Variants in AKAP19 observed in about 807,000 individuals in gnomAD.
AKAP19 encodes the protein small A-kinase anchoring protein.
At chr2:190,090,450 A>G in the AKAP19 span, among the ~76,000 whole-genome samples, 1 of 152,182 alleles carries the variant, frequency 6.6e-6, no homozygotes, top group Non-Finnish European at 1.5e-5. Flanking sequence ...AATAGCCAGC[A>G]CCAATTCGCC....
the AKAP19 span, among the ~76,000 whole-genome samples, chr2:190,171,274 A>C: frequency 6.6e-6 from 1 of 152,146 alleles, no homozygotes; most frequent in Non-Finnish European, 1.5e-5. Context: ...ACTATTTAAA[A>C]TATTTTACTG....
chr2:190,067,737 A>T, the AKAP19 span, among the ~76,000 whole-genome samples: 4 of 152,194 alleles, frequency 2.6e-5, no homozygotes, highest in South Asian at 4.1e-4. Context: ...AAATTGCTGC[A>T]ATCCATTGTC....
chr2:190,147,695 C>A, the AKAP19 span, among the ~76,000 whole-genome samples: 18 of 150,982 alleles, frequency 1.2e-4, no homozygotes, highest in African/African-American at 4.1e-4. Context: ...TTGTAGTTCT[C>A]CTTGTAGAGG....
At chr2:190,146,598 A>C in the AKAP19 span, among the ~76,000 whole-genome samples, 1 of 152,180 alleles carries the variant, frequency 6.6e-6, no homozygotes, top group African/African-American at 2.4e-5. Flanking sequence ...TAGCAGCTGT[A>C]CTAGTTTACA....
chr2:190,044,248 G>A, the AKAP19 span, among the ~76,000 whole-genome samples: 9 of 152,248 alleles, frequency 5.9e-5, no homozygotes, highest in South Asian at 1.2e-3. Flanking sequence ...TCTTAGTAGT[G>A]TTGTGGCTGA....
At chr2:190,028,230 A>C in the AKAP19 span, among the ~76,000 whole-genome samples, 1 of 152,088 alleles carries the variant, frequency 6.6e-6, no homozygotes, top group Non-Finnish European at 1.5e-5. Flanking sequence ...AGATGGTTTT[A>C]CTTTTTCCTT....
At chr2:189,956,351 A>G in the AKAP19 span, among the ~76,000 whole-genome samples, 2 of 149,476 alleles carry the variant, frequency 1.3e-5, no homozygotes, top group African/African-American at 4.9e-5. Context: ...TTGTATTTTT[A>G]GTAGAGACGG....
At chr2:190,180,939 C>T in the AKAP19 span, 3 of 985,328 alleles carry the variant, frequency 3.0e-6, no homozygotes, top group Non-Finnish European at 3.6e-6. The surrounding 1 kb of genome is among the most constrained non-coding windows in gnomAD (Gnocchi z 6.8). Context: ...TGCACTTTGC[C>T]CCCGCCCGGC....
the AKAP19 span, among the ~76,000 whole-genome samples, chr2:190,160,118 A>T: frequency 6.6e-6 from 1 of 152,154 alleles, no homozygotes; most frequent in Non-Finnish European, 1.5e-5. Context: ...GTTTTCATGG[A>T]TCTAGTTTTG....
chr2:190,176,467 C>T, the AKAP19 span, among the ~76,000 whole-genome samples: 1 of 152,152 alleles, frequency 6.6e-6, no homozygotes, highest in Non-Finnish European at 1.5e-5. The surrounding 1 kb of genome is among the most constrained non-coding windows in gnomAD (Gnocchi z 4.7). Context: ...CCTGCCTCAG[C>T]CTCCGGAGTA....
chr2:189,919,163 G>T, the AKAP19 span, among the ~76,000 whole-genome samples: 5,094 of 152,240 alleles, frequency 0.033, 290 homozygotes, highest in African/African-American at 0.12. Context: ...GGACAGGGGG[G>T]ACTACTGTAT....
the AKAP19 span, among the ~76,000 whole-genome samples, chr2:190,078,048 C>T: frequency 6.6e-6 from 1 of 152,096 alleles, no homozygotes; most frequent in Non-Finnish European, 1.5e-5. Context: ...CATTTACAGC[C>T]TATTTCAGAT....
At chr2:190,187,031 C>T in the AKAP19 span, among the ~76,000 whole-genome samples, 3 of 151,812 alleles carry the variant, frequency 2.0e-5, no homozygotes, top group African/African-American at 7.3e-5. Flanking sequence ...GTAGAGATGG[C>T]ATTTCACCAT....
At chr2:190,058,830 C>T in the AKAP19 span, among the ~76,000 whole-genome samples, 1 of 151,826 alleles carries the variant, frequency 6.6e-6, no homozygotes. Context: ...TAAGGTACTT[C>T]GGAGACTCAG....
At chr2:190,076,280 T>C in the AKAP19 span, among the ~76,000 whole-genome samples, 4 of 152,220 alleles carry the variant, frequency 2.6e-5, no homozygotes, top group Non-Finnish European at 4.4e-5. Context: ...GCAGCATTCC[T>C]GGCTCAACTT....
chr2:190,057,405 T>C, the AKAP19 span: 1 of 1,613,638 alleles, frequency 6.2e-7, no homozygotes, highest in Non-Finnish European at 8.5e-7. Flanking sequence ...TTGCTTGGTG[T>C]ACCAGATGAG....
the AKAP19 span, among the ~76,000 whole-genome samples, chr2:189,903,474 A>T: frequency 6.6e-6 from 1 of 151,980 alleles, no homozygotes; most frequent in South Asian, 2.1e-4. Context: ...TACCTTAATT[A>T]TTATATTTAG....
At chr2:190,060,019 A>C in the AKAP19 span, 1 of 1,586,320 alleles carries the variant, frequency 6.3e-7, no homozygotes. Context: ...ATTATGAATA[A>C]AAACATAAGG....
chr2:189,942,067 G>A, the AKAP19 span, among the ~76,000 whole-genome samples: 1 of 152,018 alleles, frequency 6.6e-6, no homozygotes, highest in Non-Finnish European at 1.5e-5. Context: ...AGACAAAGAG[G>A]GTCACTATAA....
Sources: gnomAD v4.1 joint callset for allele counts (sites outside exome capture counted in the v4.1 genomes callset) on GRCh38, gnomAD v4.1.1 for gene constraint, Gnocchi (gnomAD v3.1) non-coding constraint, MANE v1.5 for transcripts, NCBI Gene and HGNC (gene_info 2026-07-23, HGNC 2026-07-21) for gene names.